The following DGKH variants were observed in gnomAD, a reference collection of about 807,000 sequenced individuals.
The protein encoded by DGKH is diacylglycerol kinase eta.
A neutral mutation model predicts 159.3 loss-of-function variants in DGKH; 90 were observed. The ratio of observed to expected loss-of-function variants is 0.57; its 90% CI spans 0.48 to 0.67. The LOEUF (loss-of-function observed/expected upper bound fraction) is 0.67. Ranked by LOEUF, DGKH falls within the 30% of genes least tolerant of loss-of-function variation. DGKH has a pLI of 0.00. For synonymous variants in DGKH, 536 were observed against 553.8 expected, an observed-to-expected ratio of 0.97 and a Z score of 0.45; for missense variants, 1,181 against 1,506.1, an observed-to-expected ratio of 0.78 and a Z score of 3.57.
chr13:42,159,082 G>C (rs574587229), intron 5 of DGKH, among the ~76,000 whole-genome samples, 184 bp from the exon 6 acceptor site: 1 of 151,996 alleles, frequency 6.6e-6, no homozygotes, highest in African/African-American at 2.4e-5. Context: ...TAAATACATA[G>C]CCGTATTTGT....
At chr13:42,190,154 A>G (rs1435161071) in intron 15 of DGKH, among the ~76,000 whole-genome samples, 1 of 152,162 alleles carries the variant, frequency 6.6e-6, no homozygotes, top group Non-Finnish European at 1.5e-5. Flanking sequence ...GTAACTTGTA[A>G]TTGTATTTCA....
intron 21 of DGKH, among the ~76,000 whole-genome samples, chr13:42,207,713 A>ATATATATATATATATG (rs1415276519): frequency 6.8e-6 from 1 of 147,960 alleles, no homozygotes; most frequent in African/African-American, 2.5e-5. Context: ...ATATATATAT[A>ATATATATATATATATG]TATCAGTAAA....
At chr13:42,209,742 TC>T (rs2138199326) in intron 23 of DGKH, among the ~76,000 whole-genome samples, 1 of 152,230 alleles carries the variant, frequency 6.6e-6, no homozygotes, top group Non-Finnish European at 1.5e-5. Flanking sequence ...ACATGTAAAT[TC>T]CCCTGTTAAC....
intron 1 of DGKH, among the ~76,000 whole-genome samples, chr13:42,081,292 C>T (rs1240672565): frequency 2.0e-5 from 3 of 151,954 alleles, no homozygotes; most frequent in African/African-American, 4.8e-5. Flanking sequence ...TGCAGCGGCA[C>T]GATGTTGGCT....
intron 5 of DGKH, among the ~76,000 whole-genome samples, chr13:42,157,323 C>A (rs934984151): frequency 1.3e-5 from 2 of 152,096 alleles, no homozygotes; most frequent in African/African-American, 2.4e-5. Context: ...GACACCACAT[C>A]TGAGACACTC....
intron 1 of DGKH, among the ~76,000 whole-genome samples, chr13:42,124,666 A>G (rs973103879): frequency 6.6e-6 from 1 of 152,206 alleles, no homozygotes; most frequent in Non-Finnish European, 1.5e-5. Context: ...GATAGAAGAT[A>G]ACTTATTCCC....
chr13:42,082,292 A>C (rs77180877), intron 1 of DGKH, among the ~76,000 whole-genome samples: 6,687 of 152,092 alleles, frequency 0.044, 238 homozygotes, highest in Non-Finnish European at 0.069. Flanking sequence ...AAAACATCTT[A>C]CATGTTTATT....
intron 1 of DGKH, among the ~76,000 whole-genome samples, chr13:42,084,942 C>T (rs1330827263): frequency 1.3e-5 from 2 of 151,594 alleles, no homozygotes; most frequent in Non-Finnish European, 2.9e-5. Flanking sequence ...AAAATTAATC[C>T]TATAAATAGA....
At chr13:42,069,616 G>C in intron 1 of DGKH, 1 of 1,451,392 alleles carries the variant, frequency 6.9e-7, no homozygotes, top group Non-Finnish European at 9.5e-7. Context: ...TTCACATTTT[G>C]ATTTTCTTTT....
chr13:42,170,868 G>A (rs1030706709), intron 11 of DGKH, among the ~76,000 whole-genome samples: 10 of 151,492 alleles, frequency 6.6e-5, no homozygotes, highest in African/African-American at 7.3e-5. Context: ...GCTTGAACCC[G>A]GGAGGCGGAG....
At chr13:42,250,509 T>C (rs1958613501) in intron 29 of DGKH, among the ~76,000 whole-genome samples, 1 of 152,114 alleles carries the variant, frequency 6.6e-6, no homozygotes, top group Admixed American at 6.5e-5. Context: ...AACTGAAGCC[T>C]TGAAAAGCTA....
At chr13:42,065,078 A>G (rs1273467343) in intron 1 of DGKH, among the ~76,000 whole-genome samples, 1 of 152,222 alleles carries the variant, frequency 6.6e-6, no homozygotes, top group Non-Finnish European at 1.5e-5. Flanking sequence ...AATGCCAATT[A>G]CGTATTCAGG....
intron 15 of DGKH, among the ~76,000 whole-genome samples, chr13:42,189,826 C>G (rs925739953): frequency 2.2e-4 from 34 of 152,040 alleles, no homozygotes; most frequent in Non-Finnish European, 4.9e-4. Flanking sequence ...ACCGCCATAC[C>G]CAGCTAATTT....
intron 1 of DGKH, among the ~76,000 whole-genome samples, chr13:42,041,070 C>T (rs1429436760): frequency 6.6e-6 from 1 of 151,972 alleles, no homozygotes; most frequent in African/African-American, 2.4e-5. Context: ...AGCGCTTCCT[C>T]CGCCGCCCGG....
intron 3 of DGKH, among the ~76,000 whole-genome samples, chr13:42,144,624 T>A (rs925359129): frequency 3.3e-5 from 5 of 151,634 alleles, no homozygotes; most frequent in Admixed American, 1.3e-4. Context: ...GAGGCAGAGA[T>A]TGAGCTGAGA....
intron 1 of DGKH, among the ~76,000 whole-genome samples, chr13:42,088,848 C>G (rs1308566981): frequency 6.6e-6 from 1 of 152,078 alleles, no homozygotes; most frequent in Admixed American, 6.6e-5. Flanking sequence ...TCAATACAAT[C>G]CAATTATTTG....
At chr13:42,159,746 G>T (rs1008067906) in intron 6 of DGKH, among the ~76,000 whole-genome samples, 4 of 152,054 alleles carry the variant, frequency 2.6e-5, no homozygotes, top group African/African-American at 7.2e-5. Flanking sequence ...TGGATTTCTG[G>T]GAACGCTTAG....
At chr13:42,174,670 T>A (rs1272016570) in intron 12 of DGKH, among the ~76,000 whole-genome samples, 1 of 152,186 alleles carries the variant, frequency 6.6e-6, no homozygotes, top group African/African-American at 2.4e-5. Flanking sequence ...ATTATGCAAT[T>A]TCTGTCTTAC....
chr13:42,103,797 G>A (rs964703977), intron 1 of DGKH, among the ~76,000 whole-genome samples: 8 of 152,184 alleles, frequency 5.3e-5, no homozygotes, highest in Admixed American at 3.3e-4. Context: ...GACTTGGAGA[G>A]AAGGAGTGGA....
Sources: allele counts gnomAD v4.1 joint callset (sites outside exome capture counted in the v4.1 genomes callset), GRCh38; gene constraint gnomAD v4.1.1; transcripts MANE v1.5; gene names NCBI Gene and HGNC (gene_info 2026-07-23, HGNC 2026-07-21).